TMEFF2: variants seen among roughly 807,000 people sequenced by gnomAD.
TMEFF2 encodes the protein tomoregulin-2.
In TMEFF2, 28 loss-of-function variants were observed where a neutral mutation model predicts 53.8. The observed-to-expected ratio is 0.52, with a 90% CI of 0.39 to 0.71. The LOEUF is 0.71. Among genes scored for constraint, TMEFF2 ranks in the 30% least tolerant of loss-of-function variants. TMEFF2 has a pLI of 0.00. For missense variants in TMEFF2, 353 were observed against 455.2 expected (o/e 0.78, Z 2.04); for synonymous variants, 162 against 166.3 (o/e 0.97, Z 0.20).
chr2:192,001,415 TAC>T (rs952810148), intron 5 of TMEFF2, among the ~76,000 whole-genome samples: 19 of 152,148 alleles, frequency 1.2e-4, no homozygotes, highest in African/African-American at 4.1e-4. Flanking sequence ...TATATATATA[TAC>T]AGTGTACATT....
chr2:191,973,443 G>A lies in TMEFF2; in HGVS notation c.746-17065C>T, dbSNP rs371035880. Among the ~76,000 whole-genome samples, 30 of 152,006 alleles carry A rather than the reference G, an allele frequency of 2.0e-4. No homozygotes were observed. The East Asian group carries it at 2.7e-3, about 14-fold the overall frequency. On this transcript the variant is annotated intron_variant, in intron 7 of 9. Transcript: ENST00000272771. ...TGTGTATATACACATACACGCACAT[G>A]CATATATACACATATGCATATATAT... is the stretch of plus-strand genomic sequence containing the variant.
intron 5 of TMEFF2, among the ~76,000 whole-genome samples, chr2:192,040,285 A>G (rs1687439136): frequency 6.6e-6 from 1 of 152,036 alleles, no homozygotes; most frequent in Non-Finnish European, 1.5e-5. Flanking sequence ...CTTTAAATCT[A>G]TTATTTCTAT....
At chr2:191,993,027 C>G (rs1686144226) in intron 7 of TMEFF2, among the ~76,000 whole-genome samples, 2 of 152,134 alleles carry the variant, frequency 1.3e-5, no homozygotes, top group African/African-American at 2.4e-5. Flanking sequence ...ATCACATTCT[C>G]TTTTTATTTA....
intron 4 of TMEFF2, among the ~76,000 whole-genome samples, chr2:192,117,269 G>A (rs1559133630): frequency 6.6e-6 from 1 of 152,074 alleles, no homozygotes; most frequent in Non-Finnish European, 1.5e-5. Flanking sequence ...ATTTATTTCT[G>A]AGACCTATAA....
intron 7 of TMEFF2, among the ~76,000 whole-genome samples, chr2:191,979,853 TATCG>T (rs1042282819): frequency 3.3e-5 from 5 of 151,514 alleles, no homozygotes; most frequent in African/African-American, 9.8e-5. Flanking sequence ...TCTATCTATC[TATCG>T]ATCTATCTAT....
intron 4 of TMEFF2, among the ~76,000 whole-genome samples, chr2:192,150,033 T>C (rs932484516): frequency 5.3e-5 from 8 of 152,010 alleles, no homozygotes; most frequent in African/African-American, 1.7e-4. Context: ...TGCCAGGCAC[T>C]ATTTAGAACT....
At chr2:192,037,648 A>T (rs1687362657) in intron 5 of TMEFF2, among the ~76,000 whole-genome samples, 1 of 6,382 alleles carries the variant, frequency 1.6e-4, no homozygotes, top group Non-Finnish European at 3.0e-3. Flanking sequence ...AGAGAAAGAG[A>T]GAGAGAGAGA....
intron 2 of TMEFF2, among the ~76,000 whole-genome samples, chr2:192,189,071 G>A (rs1201001750): frequency 1.3e-5 from 2 of 152,102 alleles, no homozygotes; most frequent in Non-Finnish European, 2.9e-5. Flanking sequence ...ACCGGGTTGT[G>A]AGAAATAAAT....
chr2:192,079,264 G>A (rs1217794481), intron 4 of TMEFF2, among the ~76,000 whole-genome samples: 2 of 152,182 alleles, frequency 1.3e-5, no homozygotes, highest in South Asian at 4.1e-4. Flanking sequence ...ATCTTCACCA[G>A]ATTTACATGA....
chr2:191,952,090 G>T (rs1450204740), intron 9 of TMEFF2, among the ~76,000 whole-genome samples: 1 of 152,128 alleles, frequency 6.6e-6, no homozygotes, highest in African/African-American at 2.4e-5. Context: ...TCAGCAATTT[G>T]CCAACTTCTA....
intron 7 of TMEFF2, among the ~76,000 whole-genome samples, chr2:191,989,156 T>G (rs1410705165): frequency 6.6e-6 from 1 of 152,200 alleles, no homozygotes; most frequent in Non-Finnish European, 1.5e-5. Context: ...AAAATGGTCA[T>G]TTCTTGGGGG....
chr2:191,957,300 T>C (rs546945969), intron 7 of TMEFF2, among the ~76,000 whole-genome samples: 2 of 152,332 alleles, frequency 1.3e-5, no homozygotes, highest in South Asian at 2.1e-4. Flanking sequence ...ATCTGAAATA[T>C]GATATTCTTG....
rs376898368 is a variant in TMEFF2 at position 192,025,239 on chromosome 2, T to C, written c.537-26031A>G. Among the ~76,000 whole-genome samples the C allele has an allele frequency of 7.2e-5, 11 of 152,318 alleles. No homozygotes were observed. The South Asian group carries it at 2.3e-3, about 32-fold the overall frequency. On this transcript the variant is annotated intron_variant, in intron 5 of 9. Coordinates refer to ENST00000272771, the MANE Select transcript of TMEFF2 (RefSeq NM_016192.4). ...CTGTTAATGGTGTGTTCAATTTCAA[T>C]TTAAAGCATTTCTATTGAGCTTTTG...
chr2:192,007,162 A>G (rs1240354390), intron 5 of TMEFF2, among the ~76,000 whole-genome samples: 1 of 152,120 alleles, frequency 6.6e-6, no homozygotes, highest in Non-Finnish European at 1.5e-5. Context: ...AATGTACACT[A>G]TTCAGTGACA....
chr2:192,050,645 T>C (rs1687746190), intron 5 of TMEFF2, among the ~76,000 whole-genome samples: 1 of 152,172 alleles, frequency 6.6e-6, no homozygotes, highest in Admixed American at 6.5e-5. Context: ...GAGAGAAGTT[T>C]GGATTGCAAA....
intron 4 of TMEFF2, among the ~76,000 whole-genome samples, chr2:192,159,901 A>C (rs62180439): frequency 0.44 from 66,896 of 152,064 alleles, 16,117 homozygotes; most frequent in Middle Eastern, 0.66. Flanking sequence ...GTCTGAACCA[A>C]GAACTTGAAC....
At chr2:191,990,404 A>C (rs1296736121) in intron 7 of TMEFF2, among the ~76,000 whole-genome samples, 5 of 61,182 alleles carry the variant, frequency 8.2e-5, no homozygotes. Context: ...AGCAAATCAA[A>C]GTGCTCAGAA....
chr2:192,088,269 T>C (rs1180931022), intron 4 of TMEFF2, among the ~76,000 whole-genome samples: 1 of 152,146 alleles, frequency 6.6e-6, no homozygotes, highest in Non-Finnish European at 1.5e-5. Context: ...TGAAGGGATG[T>C]AGAAGACTAA....
At chr2:192,101,808 G>A (rs374350001) in intron 4 of TMEFF2, among the ~76,000 whole-genome samples, 1 of 152,132 alleles carries the variant, frequency 6.6e-6, no homozygotes, top group Non-Finnish European at 1.5e-5. Flanking sequence ...CTCTTGTAAC[G>A]AAATATTAGG....
Sources: allele counts gnomAD v4.1 joint callset (sites outside exome capture counted in the v4.1 genomes callset), GRCh38; gene constraint gnomAD v4.1.1; transcripts MANE v1.5; gene names NCBI Gene and HGNC (gene_info 2026-07-23, HGNC 2026-07-21).